HMGCLL1: variants seen among roughly 807,000 people sequenced by gnomAD.
The protein encoded by HMGCLL1 is 3-hydroxy-3-methylglutaryl-CoA lyase like 1.
HMGCLL1 carries 36 observed loss-of-function variants against 39.1 expected under a neutral mutation model. The ratio of observed to expected loss-of-function variants is 0.92; its 90% confidence interval spans 0.71 to 1.22. The LOEUF (loss-of-function observed/expected upper bound fraction) is 1.22. Among genes scored for constraint, HMGCLL1 ranks in the 50% most tolerant of loss-of-function variants. The pLI is 0.00. For missense variants in HMGCLL1, 451 were observed against 416.5 expected (o/e 1.08, Z -0.72); for synonymous variants, 149 against 144.0 (o/e 1.03, Z -0.25).
At chr6:55,467,526 T>C (rs1233973024) in intron 7 of HMGCLL1, among the ~76,000 whole-genome samples, 1 of 151,998 alleles carries the variant, frequency 6.6e-6, no homozygotes, top group Non-Finnish European at 1.5e-5. Context: ...ACAGAGAGCT[T>C]CTGAATTTTA....
chr6:55,507,482 A>G (rs772556720), intron 5 of HMGCLL1, among the ~76,000 whole-genome samples: 1 of 117,786 alleles, frequency 8.5e-6, no homozygotes, highest in Non-Finnish European at 1.9e-5. Flanking sequence ...TGGACACTTC[A>G]GGTAATACTT....
intron 7 of HMGCLL1, among the ~76,000 whole-genome samples, chr6:55,477,447 T>TATATATAA (rs1765507075): frequency 1.7e-5 from 1 of 59,132 alleles, no homozygotes; most frequent in African/African-American, 7.5e-5. Flanking sequence ...ATTATATATA[T>TATATATAA]AATATATTAC....
At chr6:55,464,387 T>G (rs1280659721) in intron 7 of HMGCLL1, among the ~76,000 whole-genome samples, 1 of 152,162 alleles carries the variant, frequency 6.6e-6, no homozygotes, top group Non-Finnish European at 1.5e-5. Flanking sequence ...GGTTTAATTA[T>G]TTTTTGAGTT....
intron 7 of HMGCLL1, among the ~76,000 whole-genome samples, chr6:55,481,508 T>C (rs866873096): frequency 6.6e-6 from 1 of 152,024 alleles, no homozygotes; most frequent in East Asian, 1.9e-4. Context: ...ATATCTCATG[T>C]ATCCCATAAA....
At chr6:55,613,118 T>C in the HMGCLL1 span, among the ~76,000 whole-genome samples, 5 of 151,730 alleles carry the variant, frequency 3.3e-5, no homozygotes, top group African/African-American at 4.8e-5. Flanking sequence ...AAAAACTCCA[T>C]CAAAAAGTGG....
chr6:55,570,562 C>A (rs1372296998), intron 1 of HMGCLL1, among the ~76,000 whole-genome samples: 3 of 152,154 alleles, frequency 2.0e-5, no homozygotes, highest in African/African-American at 7.2e-5. Context: ...CTTCATATAT[C>A]AAGGCCATTA....
chr6:55,451,839 A>AT (rs2127389322), intron 7 of HMGCLL1, among the ~76,000 whole-genome samples: 1 of 152,352 alleles, frequency 6.6e-6, no homozygotes, highest in East Asian at 1.9e-4. Flanking sequence ...TGTTATAAAT[A>AT]TTAATAAGCT....
intron 1 of HMGCLL1, among the ~76,000 whole-genome samples, 191 bp from the exon 2 acceptor site, chr6:55,542,331 A>G (rs1376428420): frequency 6.6e-6 from 1 of 152,148 alleles, no homozygotes; most frequent in African/African-American, 2.4e-5. Flanking sequence ...TTTCCTTATA[A>G]CCAAGTGATA....
the HMGCLL1 span, among the ~76,000 whole-genome samples, chr6:55,663,283 T>C: frequency 1.3e-5 from 2 of 150,056 alleles, no homozygotes; most frequent in East Asian, 1.9e-4. Flanking sequence ...GTTAGGTTGT[T>C]GATTTGAGAT....
chr6:55,590,807 G>A, the HMGCLL1 span, among the ~76,000 whole-genome samples: 3 of 151,906 alleles, frequency 2.0e-5, no homozygotes, highest in Non-Finnish European at 4.4e-5. Context: ...TTCAGCTTTA[G>A]ATGTCTTAAA....
chr6:55,501,038 T>C (rs1435575430), intron 5 of HMGCLL1, among the ~76,000 whole-genome samples: 2 of 151,928 alleles, frequency 1.3e-5, no homozygotes, highest in African/African-American at 2.4e-5. Flanking sequence ...ACCTTAACTC[T>C]TTATGTGGGC....
chr6:55,532,340 C>T (rs1768731382), intron 3 of HMGCLL1, among the ~76,000 whole-genome samples: 3 of 152,218 alleles, frequency 2.0e-5, no homozygotes, highest in African/African-American at 7.2e-5. Flanking sequence ...AAATTGCTGA[C>T]ATTATTGCTT....
chr6:55,473,994 C>T (rs1432626244), intron 7 of HMGCLL1, among the ~76,000 whole-genome samples: 1 of 151,414 alleles, frequency 6.6e-6, no homozygotes, highest in Non-Finnish European at 1.5e-5. Context: ...TTTCATTTCT[C>T]TATAGATACG....
chr6:55,531,617 C>A (rs1768681744), intron 3 of HMGCLL1, among the ~76,000 whole-genome samples: 1 of 152,008 alleles, frequency 6.6e-6, no homozygotes, highest in African/African-American at 2.4e-5. Flanking sequence ...GTCCACAGAC[C>A]AGTACTGGTC....
chr6:55,501,479 A>G (rs138343783), intron 5 of HMGCLL1, among the ~76,000 whole-genome samples: 25 of 151,998 alleles, frequency 1.6e-4, no homozygotes, highest in Non-Finnish European at 2.9e-4. Context: ...AACTCTTTCT[A>G]AAGAAGTCAA....
chr6:55,542,472 T>C (rs1769500367), intron 1 of HMGCLL1, among the ~76,000 whole-genome samples: 1 of 152,042 alleles, frequency 6.6e-6, no homozygotes, highest in Non-Finnish European at 1.5e-5. Flanking sequence ...TAACTACTGT[T>C]AGAGTTCATT....
chr6:55,612,349 T>C, the HMGCLL1 span, among the ~76,000 whole-genome samples: 1 of 152,074 alleles, frequency 6.6e-6, no homozygotes, highest in Non-Finnish European at 1.5e-5. Context: ...GAAGAATCAA[T>C]AACATGAAAA....
At chr6:55,505,136 A>G (rs1417643966) in intron 5 of HMGCLL1, among the ~76,000 whole-genome samples, 1 of 151,666 alleles carries the variant, frequency 6.6e-6, no homozygotes, top group Non-Finnish European at 1.5e-5. Flanking sequence ...GAAGTGTTTC[A>G]GTCTTTAATA....
Position 55,551,376 on chromosome 6 carries a change from T to C in HMGCLL1, c.109-9236A>G, listed in dbSNP as rs533558447. ...TATTTCTCAGTCCCTGAGTATATAATTGGAAATAACATATTTAGTATTAGG... is the reference window on the plus strand; with the variant it reads ...TATTTCTCAGTCCCTGAGTATATAACTGGAAATAACATATTTAGTATTAGG... On this transcript the variant is annotated intron_variant, in intron 1 of 8. Coordinates refer to ENST00000274901, the MANE Select transcript of HMGCLL1 (RefSeq NM_001042406.2). Among the ~76,000 whole-genome samples the C allele has an allele frequency of 1.1e-3, 173 of 152,022 alleles. 2 individuals carry two copies. The highest frequency in any genetic ancestry group is 4.1e-3 in the African/African-American group (168 of 41,326).
Sources: gnomAD v4.1 joint callset for allele counts (sites outside exome capture counted in the v4.1 genomes callset) on GRCh38, gnomAD v4.1.1 for gene constraint, MANE v1.5 for transcripts, NCBI Gene and HGNC (gene_info 2026-07-23, HGNC 2026-07-21) for gene names.